Variants in MROH9 observed in about 807,000 individuals in gnomAD.
The protein encoded by MROH9 is maestro heat-like repeat-containing protein family member 9.
MROH9 carries 92 observed loss-of-function variants against 98.2 expected under a neutral mutation model. The ratio of observed to expected loss-of-function variants is 0.94; its 90% CI spans 0.79 to 1.11. MROH9 has a LOEUF of 1.11. Among genes scored for constraint, MROH9 ranks in the 50% most tolerant of loss-of-function variants. The pLI is 0.00. For missense variants in MROH9, 1,057 were observed against 1,014.8 expected (o/e 1.04, Z -0.57); for synonymous variants, 397 against 368.9 (o/e 1.08, Z -0.87).
At chr1:170,943,647 T>C (rs1299339447) in intron 1 of MROH9, among the ~76,000 whole-genome samples, 1 of 151,234 alleles carries the variant, frequency 6.6e-6, no homozygotes, top group African/African-American at 2.4e-5. Context: ...TTGATCTATA[T>C]AGGAGAAAAA....
intron 3 of MROH9, among the ~76,000 whole-genome samples, chr1:170,953,817 A>G (rs1649653243): frequency 6.7e-6 from 1 of 148,820 alleles, no homozygotes; most frequent in South Asian, 2.1e-4. Context: ...AGAGAGAGAG[A>G]TGAAAGAAAG....
chr1:170,949,450 A>G (rs1426536392), intron 3 of MROH9, among the ~76,000 whole-genome samples: 2 of 152,082 alleles, frequency 1.3e-5, no homozygotes, highest in East Asian at 3.9e-4. Flanking sequence ...TTTGCTAAAA[A>G]GTTCAAAACC....
At chr1:170,997,878 G>A (rs144803313) in intron 14 of MROH9, among the ~76,000 whole-genome samples, 41 of 152,282 alleles carry the variant, frequency 2.7e-4, no homozygotes, top group Non-Finnish European at 5.7e-4. Context: ...AATTGATGGG[G>A]AGCTTGCACT....
chr1:170,939,197 T>C (rs997515374), intron 1 of MROH9, among the ~76,000 whole-genome samples: 1 of 152,240 alleles, frequency 6.6e-6, no homozygotes, highest in Non-Finnish European at 1.5e-5. Context: ...AATTTTCCAA[T>C]CATGTTCCTT....
Position 171,063,453 on chromosome 1 carries a change from C to T in MROH9, c.2345-646C>T, listed in dbSNP as rs569508690. ...ATTTTTAGTAGAGATGAGGTTTCAC[C>T]GTGTTAGCCAGGATGGTCTCGATCT... On this transcript the variant is annotated intron_variant, in intron 21 of 21. Transcript: ENST00000367759. Among the ~76,000 whole-genome samples the T allele has an allele frequency of 3.5e-3, 536 of 152,050 alleles. 1 individual carries two copies. Among genetic ancestry groups the T allele is most frequent in the Non-Finnish European group, 5.1e-3 (349 of 67,978 alleles).
At chr1:170,990,051 G>A in intron 11 of MROH9, 48 bp downstream of exon 11, 1 of 1,548,764 alleles carries the variant, frequency 6.5e-7, no homozygotes, top group Non-Finnish European at 8.8e-7. Flanking sequence ...TTGTTCACAG[G>A]CTGCACTGTC....
chr1:171,056,798 T>C (rs2101873840), intron 20 of MROH9, among the ~76,000 whole-genome samples: 1 of 152,008 alleles, frequency 6.6e-6, no homozygotes, highest in South Asian at 2.1e-4. Flanking sequence ...TTGAGTGACA[T>C]CTCCAGACGC....
chr1:171,058,697 T>G (rs1450788880), intron 20 of MROH9, among the ~76,000 whole-genome samples: 1 of 152,182 alleles, frequency 6.6e-6, no homozygotes, highest in Non-Finnish European at 1.5e-5. Context: ...ACTACACATC[T>G]ACAACCATCT....
At chr1:171,036,010 G>C (rs1293256009) in intron 20 of MROH9, among the ~76,000 whole-genome samples, 1 of 152,100 alleles carries the variant, frequency 6.6e-6, no homozygotes, top group Non-Finnish European at 1.5e-5. Flanking sequence ...TCAACAGTTA[G>C]ATGAATATAT....
intron 8 of MROH9, among the ~76,000 whole-genome samples, chr1:170,980,011 C>T (rs1183658887): frequency 1.3e-5 from 2 of 151,986 alleles, no homozygotes; most frequent in Admixed American, 1.3e-4. Flanking sequence ...AATAAAATAC[C>T]TAGGAATACA....
intron 20 of MROH9, among the ~76,000 whole-genome samples, chr1:171,055,582 A>C (rs897234724): frequency 1.8e-4 from 26 of 147,974 alleles, no homozygotes; most frequent in Middle Eastern, 3.5e-3. Context: ...AGATCGCTCC[A>C]CTGCACTCCA....
chr1:170,974,957 T>C (rs548887927), intron 8 of MROH9, among the ~76,000 whole-genome samples: 4 of 152,070 alleles, frequency 2.6e-5, no homozygotes, highest in African/African-American at 7.2e-5. Flanking sequence ...ATGTATCATC[T>C]AAACCCTAAA....
intron 16 of MROH9, 21 bp from the exon 17 acceptor site, chr1:171,016,142 A>AT: frequency 1.4e-6 from 2 of 1,411,036 alleles, no homozygotes; most frequent in South Asian, 1.7e-5. Flanking sequence ...AAATCCCACC[A>AT]TTTTTTCCTT....
At chr1:171,010,518 C>A (rs919480340) in intron 15 of MROH9, among the ~76,000 whole-genome samples, 1 of 152,150 alleles carries the variant, frequency 6.6e-6, no homozygotes, top group East Asian at 1.9e-4. Context: ...CCACAGTCTT[C>A]CACAATGGTT....
At chr1:171,057,062 C>G (rs1449820588) in intron 20 of MROH9, among the ~76,000 whole-genome samples, 1 of 152,172 alleles carries the variant, frequency 6.6e-6, no homozygotes, top group African/African-American at 2.4e-5. Context: ...TGCCTCTTCT[C>G]CAAATGTTTG....
chr1:170,968,278 T>A (rs768237292), intron 7 of MROH9, among the ~76,000 whole-genome samples: 2 of 152,190 alleles, frequency 1.3e-5, no homozygotes, highest in Non-Finnish European at 2.9e-5. Context: ...AGAACCTACA[T>A]TGTCCCGCAT....
rs114229930 is a variant in MROH9 at position 171,037,146 on chromosome 1, C to T, written c.2281+11726C>T. ...ATTATGCTAATCTCAAAGCAACTAA[C>T]TCATTAAAAAATACAGTGAAAGAAA... On this transcript the variant is annotated intron_variant, in intron 20 of 21. Coordinates refer to ENST00000367759, the MANE Select transcript of MROH9 (RefSeq NM_001163629.2). Among the ~76,000 whole-genome samples, 1,375 of 150,310 alleles carry T rather than the reference C, an allele frequency of 9.1e-3. 17 individuals are homozygous for T. Among genetic ancestry groups the T allele is most frequent in the African/African-American group, 0.032 (1,311 of 40,866 alleles).
chr1:171,063,311 G>C (rs963051225), intron 21 of MROH9, among the ~76,000 whole-genome samples: 2 of 140,488 alleles, frequency 1.4e-5, no homozygotes, highest in Non-Finnish European at 3.0e-5. Flanking sequence ...GGAGTGCAGT[G>C]GTGTGATCTC....
rs750933129 is a variant in MROH9 at position 170,947,589 on chromosome 1, T to C, written c.72+16T>C. ...GCACCACATGGTAAGTGATATTCTA[T>C]AAGGATATCAACGTAACTGAATTCT... On this transcript the variant is annotated intron_variant, in intron 3 of 21. Coordinates refer to ENST00000367759, the MANE Select transcript of MROH9 (RefSeq NM_001163629.2). 6.3e-7 allele frequency: 1 copy of C among 1,591,442 alleles called. No homozygotes were observed. Among genetic ancestry groups the C allele is most frequent in the Non-Finnish European group, 8.6e-7 (1 of 1,161,146 alleles).
Sources: gnomAD v4.1 joint callset for allele counts (sites outside exome capture counted in the v4.1 genomes callset) on GRCh38, gnomAD v4.1.1 for gene constraint, MANE v1.5 for transcripts, NCBI Gene and HGNC (gene_info 2026-07-23, HGNC 2026-07-21) for gene names.